ATP11C: variants seen among roughly 807,000 people sequenced by gnomAD.
The protein encoded by ATP11C is phospholipid-transporting ATPase IG.
ATP11C carries 36 observed loss-of-function variants against 97.4 expected under a neutral mutation model. The ratio of observed to expected loss-of-function variants is 0.37; its 90% confidence interval spans 0.28 to 0.49. ATP11C has a LOEUF of 0.49. Ranked by LOEUF, ATP11C falls within the 20% of genes least tolerant of loss-of-function variation. The pLI is 0.98. For synonymous variants in ATP11C, 275 were observed against 290.9 expected (o/e 0.95, Z 0.56); for missense variants, 730 against 824.6 (o/e 0.89, Z 1.40).
At chrX:139,883,711 A>G (rs918862008) in intron 1 of ATP11C, among the ~76,000 whole-genome samples, 2 of 111,664 alleles carry the variant, frequency 1.8e-5, no homozygotes, top group Non-Finnish European at 3.8e-5. Context: ...AAAATTAAAT[A>G]AGAAGATGTG....
intron 3 of ATP11C, among the ~76,000 whole-genome samples, chrX:139,817,761 T>C (rs1349276504): frequency 8.9e-6 from 1 of 111,995 alleles, no homozygotes; most frequent in Non-Finnish European, 1.9e-5. Context: ...AGAAGTTCTA[T>C]AAATATTTAG....
At chrX:139,918,175 C>T (rs2085186524) in intron 1 of ATP11C, among the ~76,000 whole-genome samples, 1 of 111,145 alleles carries the variant, frequency 9.0e-6, no homozygotes, top group African/African-American at 3.3e-5. Flanking sequence ...AGCACAATCT[C>T]GAAGAGAGAT....
chrX:139,790,590 T>G (rs1339444440), intron 12 of ATP11C, among the ~76,000 whole-genome samples: 1 of 111,007 alleles, frequency 9.0e-6, no homozygotes, highest in African/African-American at 3.3e-5. Flanking sequence ...CAGAAACTGA[T>G]GAAGGTTTTT....
intron 1 of ATP11C, among the ~76,000 whole-genome samples, chrX:139,913,654 C>T (rs1051016451): frequency 1.8e-5 from 2 of 111,309 alleles, no homozygotes; most frequent in Admixed American, 1.9e-4. Flanking sequence ...TCCCCCGCCC[C>T]TACCGGCCAG....
upstream of ATP11C, among the ~76,000 whole-genome samples, chrX:139,934,142 AAG>A (rs1255364301): frequency 8.9e-6 from 1 of 111,885 alleles, no homozygotes; most frequent in Non-Finnish European, 1.9e-5. Flanking sequence ...CAAACTAAGA[AAG>A]AGATCACGCT....
At position 139,726,975 on chromosome X, in the gene ATP11C, T is replaced by C. The variant is rs2081263557; in HGVS notation, c.*1991A>G. 1 of 111,850 alleles carries C rather than the reference T, an allele frequency of 8.9e-6. No individual in the cohort carries two copies. The highest frequency in any genetic ancestry group is 3.7e-4 in the South Asian group (1 of 2,680). 9.2% of individuals were successfully genotyped at this position (111,850 alleles called of 1,213,427 possible). A position where few individuals can be genotyped will look rare whatever the true frequency, so the allele number is the denominator to read the frequency against. The stretch of plus-strand genomic sequence containing the variant: ...GCCATGATATCATGTATCATTGCCA[T>C]TCTGAATTTGAGCTGCAGTATCACA... On this transcript the variant is annotated 3_prime_UTR_variant, in exon 30 of 30. Transcript: ENST00000682941.
chrX:139,922,242 A>G (rs1275477790), intron 1 of ATP11C, among the ~76,000 whole-genome samples: 2 of 65,281 alleles, frequency 3.1e-5, no homozygotes, highest in Admixed American at 3.9e-4. Flanking sequence ...ATATATATAT[A>G]TATATATATA....
At chrX:139,847,980 C>T (rs997246673) in intron 1 of ATP11C, among the ~76,000 whole-genome samples, 4 of 111,104 alleles carry the variant, frequency 3.6e-5, no homozygotes, top group African/African-American at 1.3e-4. Flanking sequence ...AGCTTTTACC[C>T]ATCCTCATCA....
intron 4 of ATP11C, among the ~76,000 whole-genome samples, chrX:139,816,032 A>G: frequency 8.9e-6 from 1 of 111,870 alleles, no homozygotes; most frequent in Non-Finnish European, 1.9e-5. Flanking sequence ...AAGGAAAAGA[A>G]CATTCCAAAA....
chrX:139,778,786 G>A (rs1006362237), intron 18 of ATP11C, among the ~76,000 whole-genome samples: 4 of 111,361 alleles, frequency 3.6e-5, no homozygotes, highest in Non-Finnish European at 3.8e-5. Flanking sequence ...CCAGGATTGC[G>A]CCGCTGCACT....
chrX:139,838,949 A>C (rs776267278), intron 1 of ATP11C, among the ~76,000 whole-genome samples: 1 of 80,272 alleles, frequency 1.2e-5, no homozygotes, highest in Non-Finnish European at 2.0e-5. Context: ...TTCTGTCTCA[A>C]AAAAAAAAAA....
In ATP11C at chrX:139,728,823, G is replaced by T; in HGVS notation, c.*143C>A. On this transcript the variant is annotated 3_prime_UTR_variant, in exon 30 of 30. Coordinates refer to ENST00000682941, the MANE Select transcript of ATP11C (RefSeq NM_001353812.2). The stretch of plus-strand genomic sequence containing the variant: ...AACATTTATTGTGAACTCTAGACAT[G>T]AGAGTGGTTTAGTGTGTTGCGTATC... 1 of 717,740 alleles carries T rather than the reference G, an allele frequency of 1.4e-6. No individual in the cohort carries two copies. The highest frequency in any genetic ancestry group is 2.1e-6 in the Non-Finnish European group (1 of 467,178). 59.1% of individuals were successfully genotyped at this position (717,740 alleles called of 1,213,427 possible). A position where few individuals can be genotyped will look rare whatever the true frequency, so the allele number is the denominator to read the frequency against.
intron 6 of ATP11C, among the ~76,000 whole-genome samples, chrX:139,802,762 T>C (rs1299750934): frequency 8.9e-6 from 1 of 111,897 alleles, no homozygotes; most frequent in East Asian, 2.8e-4. Context: ...ACCTTTTTGG[T>C]CACAAAAATG....
At chrX:139,801,784 C>T (rs185395417) in intron 7 of ATP11C, among the ~76,000 whole-genome samples, 31 of 111,634 alleles carry the variant, frequency 2.8e-4, no homozygotes, top group East Asian at 2.3e-3. Context: ...TTACTGTGGA[C>T]AAGAAAGAGC....
chrX:139,890,372 A>T (rs2084708908), intron 1 of ATP11C, among the ~76,000 whole-genome samples: 1 of 110,853 alleles, frequency 9.0e-6, no homozygotes, highest in African/African-American at 3.3e-5. Context: ...CTCTACAAAA[A>T]ATTTTTTTAA....
At position 139,762,164 on chromosome X, in the gene ATP11C, T is replaced by C. The variant is rs990924275; in HGVS notation, c.2495-58A>G. On this transcript the variant is annotated intron_variant, in intron 21 of 29. Transcript: ENST00000682941. ...TTCTAGAATAAATGACTCCCTGATT[T>C]ATCTTCACAGTTTCAACTTGGTTTA... 1.9e-5 allele frequency: 17 copies of C among 894,960 alleles called. No homozygotes were observed. In the African/African-American group the frequency reaches 3.4e-4, roughly 18 times the overall value. 73.8% of individuals were successfully genotyped at this position (894,960 alleles called of 1,213,427 possible). A position where few individuals can be genotyped will look rare whatever the true frequency, so the allele number is the denominator to read the frequency against.
Position 139,774,715 on chromosome X carries a change from G to C in ATP11C, c.2191C>G (p.Pro731Ala). Residue 731 changes from proline to alanine, a missense_variant, in exon 19 of 30, where the codon CCT becomes GCT. Coordinates refer to ENST00000682941, the MANE Select transcript of ATP11C (RefSeq NM_001353812.2). The stretch of plus-strand genomic sequence containing the variant: ...TTTTTAAAGCTTCTAGTACTTTTAG[G>C]AAACTCATGCAGCAATTTCTTGCGA... ...EYRKKLLHEF[P>A]KSTRSFKKAW... 8.3e-7 allele frequency: 1 copy of C among 1,208,469 alleles called. No individual in the cohort carries two copies. The highest frequency in any genetic ancestry group is 2.2e-5 in the Admixed American group (1 of 45,999).
At chrX:139,843,133 A>T (rs1159792274) in intron 1 of ATP11C, among the ~76,000 whole-genome samples, 2 of 112,439 alleles carry the variant, frequency 1.8e-5, no homozygotes, top group Non-Finnish European at 3.8e-5. Context: ...CAGATACATA[A>T]AATTGGCGAA....
intron 1 of ATP11C, among the ~76,000 whole-genome samples, chrX:139,848,862 G>A (rs926232074): frequency 2.7e-5 from 3 of 111,822 alleles, no homozygotes; most frequent in Admixed American, 9.5e-5. Context: ...GACCAATCTC[G>A]CAAACTGCTT....
Sources: gnomAD v4.1 joint callset for allele counts (sites outside exome capture counted in the v4.1 genomes callset) on GRCh38, gnomAD v4.1.1 for gene constraint, MANE v1.5 for transcripts, NCBI Gene and HGNC (gene_info 2026-07-23, HGNC 2026-07-21) for gene names.